Variants in BTN1A1 observed in about 807,000 individuals in gnomAD.
The protein encoded by BTN1A1 is bK14H9.2 (butyrophilin, subfamily 1, member A1).
In BTN1A1, 26 loss-of-function variants were observed where a neutral mutation model predicts 33.1. The observed-to-expected ratio is 0.79, with a 90% CI of 0.58 to 1.09. The LOEUF is 1.09. Among genes scored for constraint, BTN1A1 ranks in the 50% least tolerant of loss-of-function variants. BTN1A1 has a pLI of 0.00. For synonymous variants in BTN1A1, 235 were observed against 256.2 expected, an observed-to-expected ratio of 0.92 and a Z score of 0.79; for missense variants, 558 against 655.7, an observed-to-expected ratio of 0.85 and a Z score of 1.63.
Position 26,509,113 on chromosome 6 carries a change from G to A in BTN1A1, c.1520G>A (p.Arg507Lys). ...LSPMGEDSAP[R>K]DADTLHSKLI... is the part of the protein sequence containing the mutation. ...CCCATGGGGGAGGACTCTGCCCCTA[G>A]GGATGCAGACACTCTCCATTCTAAG... Residue 507 changes from arginine to lysine, a missense_variant, in exon 8 of 8, where the codon AGG becomes AAG. Physicochemically the swap from Arg to Lys is conservative, Grantham distance 26. Coordinates refer to ENST00000684113, the MANE Select transcript of BTN1A1 (RefSeq NM_001732.3). 1.2e-6 allele frequency: 2 copies of A among 1,614,012 alleles called. No individual in the cohort carries two copies. The highest frequency in any genetic ancestry group is 2.2e-5 in the East Asian group (1 of 44,866).
At chr6:26,506,507 G>C (rs549359053) in intron 4 of BTN1A1, among the ~76,000 whole-genome samples, 176 bp from the exon 5 acceptor site, 2 of 152,152 alleles carry the variant, frequency 1.3e-5, no homozygotes, top group East Asian at 3.9e-4. Context: ...ACTCCTGCTT[G>C]AAGTCAATTT....
Position 26,504,921 on chromosome 6 carries a change from A to G in BTN1A1, c.428-4A>G, listed in dbSNP as rs776418507. 2 of 1,613,604 alleles carry G rather than the reference A, an allele frequency of 1.2e-6. No individual in the cohort carries two copies. Among genetic ancestry groups the G allele is most frequent in the South Asian group, 2.2e-5 (2 of 91,070 alleles). ...AACATTAAGTCCAGATTCTCTCTCC[A>G]TAGCTCTGGGCTCTGACCCTCACAT... On this transcript the variant is annotated splice_region_variant and splice_polypyrimidine_tract_variant and intron_variant, in intron 3 of 7. Transcript: ENST00000684113.
chr6:26,504,852 T>C, intron 3 of BTN1A1, 73 bp from the exon 4 acceptor site: 1 of 1,450,800 alleles, frequency 6.9e-7, no homozygotes, highest in Non-Finnish European at 9.5e-7. Context: ...TTTCTCAAAC[T>C]ATGTAGCTCT....
Position 26,504,982 on chromosome 6 carries a change from T to C in BTN1A1, c.485T>C (p.Leu162Pro). Reference protein sequence around the residue: ...MQVQENGEICLECTSVGWYPE... With the variant: ...MQVQENGEICPECTSVGWYPE... ...GTTCAAGAGAATGGAGAAATCTGTC[T>C]GGAGTGCACCTCAGTGGGATGGTAC... Residue 162 changes from leucine (L) to proline (P), a missense_variant, in exon 4 of 8, where the codon CTG becomes CCG. Physicochemically the swap from Leu to Pro is moderately conservative, Grantham distance 98. Coordinates refer to ENST00000684113, the MANE Select transcript of BTN1A1 (RefSeq NM_001732.3). The C allele has an allele frequency of 6.2e-7, 1 of 1,614,190 alleles. No individual in the cohort carries two copies. Among genetic ancestry groups the C allele is most frequent in the South Asian group, 1.1e-5 (1 of 91,090 alleles).
rs1763791966 is a variant in BTN1A1, at chr6:26,501,096, G to A, written c.-57-134G>A. ...ACAGTGTAAACTAAAAATCCATACT[G>A]GGGATGGAGGCTGAGAGGAGGTTTC... is the stretch of plus-strand genomic sequence containing the variant. On this transcript the variant is annotated intron_variant, in intron 1 of 7. Transcript: ENST00000684113. The surrounding 1 kb of genome is among the most constrained non-coding windows in gnomAD (Gnocchi z 5.2). 1.6e-6 allele frequency: 1 copy of A among 614,552 alleles called. No individual in the cohort carries two copies. Among genetic ancestry groups the A allele is most frequent in the Admixed American group, 2.8e-5 (1 of 36,148 alleles). The allele number at this position is 614,552 out of a possible 1,614,324, so 38.1% of individuals were successfully genotyped here.
intron 3 of BTN1A1, 136 bp from the exon 4 acceptor site, chr6:26,504,789 A>G (rs1452822849): frequency 7.1e-6 from 6 of 840,422 alleles, no homozygotes; most frequent in Non-Finnish European, 1.1e-5. Flanking sequence ...ATATTGAAAT[A>G]TGGAGATGAG....
At chr6:26,507,822 G>T in intron 5 of BTN1A1, 128 bp from the exon 6 acceptor site, 1 of 941,650 alleles carries the variant, frequency 1.1e-6, no homozygotes. Context: ...TGATTTATTG[G>T]CAATGCTTCA....
chr6:26,506,345 CCCTT>C lies in BTN1A1; in HGVS notation c.710-333_710-330del. On this transcript the variant is annotated intron_variant, in intron 4 of 7. Transcript: ENST00000684113. Reference sequence around the variant, plus strand: ...TCTGTTACATACAGAGGCACACTTCCCCTTCCTTATTTACCTCCTTCATCCTCTT... The same window carrying C: ...TCTGTTACATACAGAGGCACACTTCCCCTTATTTACCTCCTTCATCCTCTT... Among the ~76,000 whole-genome samples, 2 of 152,074 alleles carry C rather than the reference CCCTT, an allele frequency of 1.3e-5. 1 individual carries two copies. The highest frequency in any genetic ancestry group is 2.9e-5 in the Non-Finnish European group (2 of 68,028).
chr6:26,505,061 A>C lies in BTN1A1; in HGVS notation c.564A>C (p.Thr188=). The change falls in exon 4 of 8, where the codon ACA becomes ACC. Residue 188 remains threonine (T), a synonymous_variant. Transcript: ENST00000684113. ...RTSKGEKFPS[T]SESRNPDEEG... ...CCAAGGGAGAGAAGTTTCCATCTAC[A>C]TCAGAGTCCAGGAATCCTGATGAAG... The C allele has an allele frequency of 6.2e-7, 1 of 1,614,250 alleles. No homozygotes were observed. Among genetic ancestry groups the C allele is most frequent in the Non-Finnish European group, 8.5e-7 (1 of 1,180,028 alleles).
intron 3 of BTN1A1, among the ~76,000 whole-genome samples, chr6:26,503,394 G>A (rs2113890698): frequency 6.6e-6 from 1 of 151,146 alleles, no homozygotes; most frequent in South Asian, 2.1e-4. Flanking sequence ...CTTGAACCTG[G>A]GAGGCAGAGG....
chr6:26,505,198 C>T lies in BTN1A1; in HGVS notation c.701C>T (p.Ser234Phe), dbSNP rs988733721. 11 of 1,613,076 alleles carry T rather than the reference C, an allele frequency of 6.8e-6. No homozygotes were observed. The highest frequency in any genetic ancestry group is 9.3e-6 in the Non-Finnish European group (11 of 1,179,200). Residue 234 changes from serine (S) to phenylalanine (F), a missense_variant, in exon 4 of 8, where the codon TCC becomes TTC. Ser to Phe is a radical substitution (Grantham distance 155). Coordinates refer to ENST00000684113, the MANE Select transcript of BTN1A1 (RefSeq NM_001732.3). ...GGCCAGGAGAAGAAAGTAGAAATAT[C>T]CATACCAGGTTAGTGGAACCAATGC... ...LLGQEKKVEISIPASSLPRLT... is the reference protein window; with the variant it reads ...LLGQEKKVEIFIPASSLPRLT...
At chr6:26,502,231 T>C (rs1398965195) in intron 3 of BTN1A1, among the ~76,000 whole-genome samples, 1 of 152,206 alleles carries the variant, frequency 6.6e-6, no homozygotes, top group African/African-American at 2.4e-5. Context: ...TGCTGGATAA[T>C]TTATAGAATA....
At chr6:26,504,376 G>C (rs918986358) in intron 3 of BTN1A1, among the ~76,000 whole-genome samples, 5 of 151,430 alleles carry the variant, frequency 3.3e-5, no homozygotes, top group African/African-American at 1.2e-4. Context: ...GCACCCCCAA[G>C]TCTGCCCACC....
chr6:26,500,788 G>A (rs1398784207), intron 1 of BTN1A1, among the ~76,000 whole-genome samples: 2 of 152,022 alleles, frequency 1.3e-5, no homozygotes, highest in Non-Finnish European at 2.9e-5. Flanking sequence ...GGTGGTGCGC[G>A]CCTGTAGTCC....
At position 26,503,015 on chromosome 6, in the gene BTN1A1, T is replaced by C. The variant is rs148875362; in HGVS notation, c.427+1078T>C. Among the ~76,000 whole-genome samples the C allele has an allele frequency of 2.0e-5, 3 of 152,144 alleles. No individual in the cohort carries two copies. In the South Asian group the frequency reaches 6.2e-4, roughly 31 times the overall value. ...TACTGTAAAACTGAGGATGTTTTTA[T>C]CTAAGATTATTTTTCAAGAATAAAA... is the stretch of plus-strand genomic sequence containing the variant. On this transcript the variant is annotated intron_variant, in intron 3 of 7. Coordinates refer to ENST00000684113, the MANE Select transcript of BTN1A1 (RefSeq NM_001732.3).
In BTN1A1 at chr6:26,509,308, A is replaced by T; in HGVS notation, c.*134A>T. On this transcript the variant is annotated 3_prime_UTR_variant, in exon 8 of 8. Transcript: ENST00000684113. ...AATTAATTAATCCTGTGAAGGTTACATTGCTGCTGCTAGAGAGGGTGGGGA... is the reference window on the plus strand; with the variant it reads ...AATTAATTAATCCTGTGAAGGTTACTTTGCTGCTGCTAGAGAGGGTGGGGA... 1 of 830,152 alleles carries T rather than the reference A, an allele frequency of 1.2e-6. No homozygotes were observed. The allele number at this position is 830,152 out of a possible 1,614,324, so 51.4% of individuals were successfully genotyped here. A position where few individuals can be genotyped will look rare whatever the true frequency, so the allele number is the denominator to read the frequency against.
At chr6:26,507,721 T>TTAAAA (rs10661702) in intron 5 of BTN1A1, among the ~76,000 whole-genome samples, 1 of 147,858 alleles carries the variant, frequency 6.8e-6, no homozygotes, top group Non-Finnish European at 1.5e-5. Flanking sequence ...TGAGATTCTA[T>TTAAAA]AAAAAAAAAA....
intron 4 of BTN1A1, among the ~76,000 whole-genome samples, chr6:26,506,453 G>C (rs1231228354): frequency 6.6e-6 from 1 of 151,958 alleles, no homozygotes; most frequent in Non-Finnish European, 1.5e-5. Flanking sequence ...TTATTTCACA[G>C]GTCCTGTCCC....
chr6:26,508,835 A>G lies in BTN1A1; in HGVS notation c.1242A>G (p.Pro414=), dbSNP rs374953117. 1.9e-6 allele frequency: 3 copies of G among 1,614,022 alleles called. No homozygotes were observed. The African/African-American group carries it at 4.0e-5, about 22-fold the overall frequency. ...TCACTCCTCTCCGGACCCCTCTCCC[A>G]TTGGCAGGGCCCCCACGCCGGGTTG... is the stretch of plus-strand genomic sequence containing the variant. ...WALTPLRTPL[P]LAGPPRRVGI... is the part of the protein sequence containing the mutation. The change falls in exon 8 of 8, where the codon CCA becomes CCG. Residue 414 remains proline, a synonymous_variant. Transcript: ENST00000684113.
Sources: gnomAD v4.1 joint callset for allele counts (sites outside exome capture counted in the v4.1 genomes callset) on GRCh38, gnomAD v4.1.1 for gene constraint, Gnocchi (gnomAD v3.1) non-coding constraint, MANE v1.5 for transcripts, NCBI Gene and HGNC (gene_info 2026-07-23, HGNC 2026-07-21) for gene names.